Variants in RALGAPA2 observed in about 807,000 individuals in gnomAD.
RALGAPA2 encodes Ral GTPase activating protein catalytic subunit alpha 2, also known as ral GTPase-activating protein subunit alpha-2.
In RALGAPA2, 139 loss-of-function variants were observed where a neutral mutation model predicts 230.4. The observed-to-expected ratio is 0.60, with a 90% CI of 0.53 to 0.69. The LOEUF (loss-of-function observed/expected upper bound fraction) is 0.69, where lower values mean the gene tolerates loss of function less well. RALGAPA2 is among the 30% of genes least tolerant of loss of function. RALGAPA2 has a pLI of 0.00. For synonymous variants in RALGAPA2, 847 were observed against 837.8 expected (o/e 1.01, Z -0.19); for missense variants, 2,163 against 2,276.0 (o/e 0.95, Z 1.01).
chr20:20,536,704 C>T lies in RALGAPA2; in HGVS notation c.3366G>A (p.Gln1122=), dbSNP rs1471290075. ...TGGCCTCATTTACTTCTGGCACTGACTGCAGTAAAGGAATCTCCTGGTAGG... is the reference window on the plus strand; with the variant it reads ...TGGCCTCATTTACTTCTGGCACTGATTGCAGTAAAGGAATCTCCTGGTAGG... ...PNTYQEIPLL[Q]SVPEVNEAIT... is the part of the protein sequence containing the mutation. Residue 1122 remains glutamine, a synonymous_variant, in exon 25 of 40, where the codon CAG becomes CAA. Coordinates refer to ENST00000202677, the MANE Select transcript of RALGAPA2 (RefSeq NM_020343.4). 1 of 1,613,040 alleles carries T rather than the reference C, an allele frequency of 6.2e-7. No homozygotes were observed. Among genetic ancestry groups the T allele is most frequent in the African/African-American group, 1.3e-5 (1 of 74,908 alleles).
At chr20:20,453,039 A>G (rs929261967) in intron 37 of RALGAPA2, among the ~76,000 whole-genome samples, 2 of 152,228 alleles carry the variant, frequency 1.3e-5, no homozygotes, top group African/African-American at 4.8e-5. Flanking sequence ...TCCCTCAACT[A>G]TATTTTTTAA....
At chr20:20,675,751 CA>C (rs1375623926) in intron 3 of RALGAPA2, among the ~76,000 whole-genome samples, 1 of 151,816 alleles carries the variant, frequency 6.6e-6, no homozygotes, top group Non-Finnish European at 1.5e-5. Flanking sequence ...AAATATATAT[CA>C]AAAAAAGTTT....
In RALGAPA2 at chr20:20,397,538, C is replaced by A. The variant is rs117473894; in HGVS notation, c.5618-804G>T. 5.9e-3 allele frequency among the ~76,000 whole-genome samples: 897 copies of A among 152,312 alleles called. 3 individuals are homozygous for A. The highest frequency in any genetic ancestry group is 9.7e-3 in the Non-Finnish European group (658 of 68,036). On this transcript the variant is annotated intron_variant, in intron 38 of 39. Coordinates refer to ENST00000202677, the MANE Select transcript of RALGAPA2 (RefSeq NM_020343.4). ...TAGCTTCTCCTGAACTCTCAGCCCC[C>A]ACAACTCTCCTGAATTCTGTGTCAG...
intron 6 of RALGAPA2, 26 bp downstream of exon 6, chr20:20,640,675 A>G: frequency 6.3e-7 from 1 of 1,578,764 alleles, no homozygotes; most frequent in South Asian, 1.1e-5. Context: ...TAATTTCAAC[A>G]TGGGAGATCT....
chr20:20,552,527 G>T (rs968031050), intron 23 of RALGAPA2, among the ~76,000 whole-genome samples: 11 of 152,120 alleles, frequency 7.2e-5, no homozygotes, highest in African/African-American at 2.7e-4. Flanking sequence ...AAGAGGGGAA[G>T]GTTGGGATCT....
chr20:20,491,071 T>C (rs2123560569), intron 36 of RALGAPA2, among the ~76,000 whole-genome samples: 1 of 151,216 alleles, frequency 6.6e-6, no homozygotes, highest in South Asian at 2.1e-4. Context: ...GAAGCCTTGG[T>C]TCTCAACCAG....
At chr20:20,564,533 T>C (rs1420103651) in intron 23 of RALGAPA2, among the ~76,000 whole-genome samples, 1 of 152,220 alleles carries the variant, frequency 6.6e-6, no homozygotes, top group Non-Finnish European at 1.5e-5. Flanking sequence ...GGAAAAAATA[T>C]TCAACATAAA....
intron 20 of RALGAPA2, among the ~76,000 whole-genome samples, chr20:20,579,817 A>G (rs2064932179): frequency 6.6e-6 from 1 of 152,130 alleles, no homozygotes; most frequent in Non-Finnish European, 1.5e-5. Context: ...GTGTTGAACA[A>G]TACATTGTTT....
At chr20:20,655,294 A>C (rs2067548832) in intron 3 of RALGAPA2, among the ~76,000 whole-genome samples, 1 of 152,038 alleles carries the variant, frequency 6.6e-6, no homozygotes, top group South Asian at 2.1e-4. Context: ...GAGAGATGAT[A>C]AAGAAAAGAA....
intron 13 of RALGAPA2, among the ~76,000 whole-genome samples, chr20:20,612,519 A>C (rs2066006542): frequency 6.6e-6 from 1 of 152,194 alleles, no homozygotes; most frequent in South Asian, 2.1e-4. Context: ...GAACCTCATA[A>C]AATTCCTCAC....
In RALGAPA2 at chr20:20,712,483, C is replaced by G; in HGVS notation, c.-3G>C. ...CCGTGGCTCCTTCGGGAGAACATCC[C>G]GCGGCAGGAAGCCCGGGCCCCGCCG... On this transcript the variant is annotated 5_prime_UTR_variant, in exon 1 of 40. Transcript: ENST00000202677. The surrounding 1 kb of genome is among the most constrained non-coding windows in gnomAD (Gnocchi z 5.5). The G allele has an allele frequency of 6.5e-7, 1 of 1,544,920 alleles. No homozygotes were observed.
intron 31 of RALGAPA2, among the ~76,000 whole-genome samples, chr20:20,518,026 G>A (rs1569458366): frequency 1.3e-5 from 2 of 151,972 alleles, no homozygotes; most frequent in African/African-American, 2.4e-5. Flanking sequence ...GCTACTCAAC[G>A]AGATCCCAGA....
Position 20,503,368 on chromosome 20 carries a change from C to A in RALGAPA2, c.5191G>T (p.Asp1731Tyr). Residue 1731 changes from aspartate (D) to tyrosine (Y), a missense_variant, in exon 35 of 40, where the codon GAT becomes TAT. Coordinates refer to ENST00000202677, the MANE Select transcript of RALGAPA2 (RefSeq NM_020343.4). ...CCCCTTACCTTTTTGGTGAGGGAATCATCTGAGTCTGACGGCATTCGAGTG... is the reference window on the plus strand; with the variant it reads ...CCCCTTACCTTTTTGGTGAGGGAATAATCTGAGTCTGACGGCATTCGAGTG... The part of the protein sequence containing the change: ...VSTRMPSDSD[D>Y]SLTKKLRHLG... The A allele has an allele frequency of 6.3e-7, 1 of 1,595,176 alleles. No individual in the cohort carries two copies. The highest frequency in any genetic ancestry group is 8.6e-7 in the Non-Finnish European group (1 of 1,168,374).
intron 38 of RALGAPA2, among the ~76,000 whole-genome samples, chr20:20,401,821 T>A (rs567699447): frequency 2.6e-5 from 4 of 152,352 alleles, no homozygotes; most frequent in Admixed American, 2.0e-4. Context: ...ACTTCCTATA[T>A]GTGAATTATT....
At chr20:20,654,329 C>T (rs1254813791) in intron 3 of RALGAPA2, among the ~76,000 whole-genome samples, 1 of 152,168 alleles carries the variant, frequency 6.6e-6, no homozygotes, top group African/African-American at 2.4e-5. Context: ...GCTGGGATTA[C>T]AGGTGCTTGC....
intron 10 of RALGAPA2, among the ~76,000 whole-genome samples, chr20:20,627,972 G>A (rs1192903574): frequency 6.6e-6 from 1 of 152,012 alleles, no homozygotes; most frequent in East Asian, 1.9e-4. Flanking sequence ...AATTTGGGGT[G>A]AAACAAAAAG....
intron 36 of RALGAPA2, among the ~76,000 whole-genome samples, chr20:20,492,705 G>T (rs184683913): frequency 1.3e-5 from 2 of 152,122 alleles, no homozygotes; most frequent in East Asian, 1.9e-4. Context: ...GCTCACAGGC[G>T]GCCTTTCCCC....
chr20:20,499,034 G>C (rs943423595), intron 35 of RALGAPA2, among the ~76,000 whole-genome samples: 3 of 152,208 alleles, frequency 2.0e-5, no homozygotes, highest in Non-Finnish European at 2.9e-5. Context: ...CATGATGGGG[G>C]CAGAAGAGAG....
intron 4 of RALGAPA2, among the ~76,000 whole-genome samples, chr20:20,653,065 G>A (rs986624667): frequency 2.6e-5 from 4 of 151,356 alleles, no homozygotes; most frequent in Admixed American, 6.6e-5. Context: ...GCATGGTGGC[G>A]CATGCCTGTA....
Sources: gnomAD v4.1 joint callset for allele counts (sites outside exome capture counted in the v4.1 genomes callset) on GRCh38, gnomAD v4.1.1 for gene constraint, Gnocchi (gnomAD v3.1) non-coding constraint, MANE v1.5 for transcripts, NCBI Gene and HGNC (gene_info 2026-07-23, HGNC 2026-07-21) for gene names.